The following PARD3 variants were observed in gnomAD, a reference collection of about 807,000 sequenced individuals.
PARD3 encodes the protein partitioning defective 3 homolog.
PARD3 carries 75 observed loss-of-function variants against 155.4 expected under a neutral mutation model. That is an observed-to-expected ratio of 0.48 (90% CI 0.40 to 0.58). PARD3 has a LOEUF of 0.58. PARD3 is among the 20% of genes least tolerant of loss of function. PARD3 has a pLI of 0.00. For missense variants in PARD3, 1,642 were observed against 1,721.7 expected (o/e 0.95, Z 0.82); for synonymous variants, 576 against 610.5 (o/e 0.94, Z 0.83).
chr10:34,288,069 G>A (rs930896838), intron 20 of PARD3, among the ~76,000 whole-genome samples: 1 of 151,928 alleles, frequency 6.6e-6, no homozygotes, highest in Admixed American at 6.6e-5. Flanking sequence ...AAATTAGCTG[G>A]GTGTGGTGGT....
chr10:34,520,190 T>C (rs926426962), intron 2 of PARD3, among the ~76,000 whole-genome samples: 1 of 152,196 alleles, frequency 6.6e-6, no homozygotes, highest in East Asian at 1.9e-4. Flanking sequence ...AACATTTATA[T>C]ATCATCAATC....
intron 2 of PARD3, among the ~76,000 whole-genome samples, chr10:34,659,119 A>G (rs1031369080): frequency 6.6e-6 from 1 of 152,208 alleles, no homozygotes; most frequent in Non-Finnish European, 1.5e-5. Context: ...CCTGAAAGGC[A>G]CACCCAGCAC....
chr10:34,732,577 A>G (rs2094838256), intron 1 of PARD3, among the ~76,000 whole-genome samples: 1 of 152,140 alleles, frequency 6.6e-6, no homozygotes, highest in Non-Finnish European at 1.5e-5. Context: ...ATGTGCCTGT[A>G]GTTCCAGCTG....
At chr10:34,773,446 T>C (rs1370904375) in intron 1 of PARD3, among the ~76,000 whole-genome samples, 2 of 152,220 alleles carry the variant, frequency 1.3e-5, no homozygotes, top group African/African-American at 4.8e-5. Context: ...TGAATATCCT[T>C]ACCCATAATT....
chr10:34,161,133 T>C (rs1016689943), intron 22 of PARD3, among the ~76,000 whole-genome samples: 1 of 151,394 alleles, frequency 6.6e-6, no homozygotes, highest in Non-Finnish European at 1.5e-5. Context: ...TAGTTCCAGC[T>C]ACTTGGGAGG....
At chr10:34,600,118 T>G (rs1013402226) in intron 2 of PARD3, among the ~76,000 whole-genome samples, 1 of 150,862 alleles carries the variant, frequency 6.6e-6, no homozygotes, top group Non-Finnish European at 1.5e-5. Context: ...GTGGATGGCT[T>G]GAGCTCAGGA....
chr10:34,275,766 AG>A (rs758226726), intron 21 of PARD3, among the ~76,000 whole-genome samples: 13 of 152,162 alleles, frequency 8.5e-5, no homozygotes, highest in Non-Finnish European at 1.8e-4. Context: ...AAAGATGGTG[AG>A]TATCTTGCAG....
intron 2 of PARD3, among the ~76,000 whole-genome samples, chr10:34,670,254 C>A (rs1049029908): frequency 6.6e-6 from 1 of 152,258 alleles, no homozygotes; most frequent in Non-Finnish European, 1.5e-5. Context: ...AGCCTCAAAA[C>A]ACAAGGGACG....
chr10:34,469,165 C>T (rs1416104387), intron 4 of PARD3, among the ~76,000 whole-genome samples: 1 of 152,210 alleles, frequency 6.6e-6, no homozygotes, highest in East Asian at 1.9e-4. Flanking sequence ...GGCTAGAGTG[C>T]AGCGGCGTGA....
chr10:34,676,610 A>G (rs761247855), intron 2 of PARD3, among the ~76,000 whole-genome samples: 4 of 152,224 alleles, frequency 2.6e-5, no homozygotes, highest in Non-Finnish European at 5.9e-5. Flanking sequence ...CACTGGAACG[A>G]CACGCAATTA....
chr10:34,570,776 T>C (rs562912941), intron 2 of PARD3, among the ~76,000 whole-genome samples: 20 of 152,284 alleles, frequency 1.3e-4, no homozygotes, highest in African/African-American at 4.6e-4. Context: ...ATGAAGCAGC[T>C]ACAAGGAAAA....
intron 15 of PARD3, among the ~76,000 whole-genome samples, 197 bp from the exon 16 acceptor site, chr10:34,342,013 T>C (rs1407705191): frequency 6.6e-6 from 1 of 152,222 alleles, no homozygotes; most frequent in Non-Finnish European, 1.5e-5. Flanking sequence ...TATTACTACC[T>C]CTGACGCTAC....
intron 2 of PARD3, among the ~76,000 whole-genome samples, chr10:34,635,195 C>T (rs183866752): frequency 6.6e-6 from 1 of 152,358 alleles, no homozygotes; most frequent in East Asian, 1.9e-4. Context: ...GAATTCAAGG[C>T]TTCTCCCCAT....
At chr10:34,331,016 T>C in intron 19 of PARD3, 101 bp downstream of exon 19, 4 of 779,462 alleles carry the variant, frequency 5.1e-6, no homozygotes, top group Non-Finnish European at 8.4e-6. Context: ...ATCTCAGAGA[T>C]TACCCTGAAG....
chr10:34,508,013 T>C (rs1236868940), intron 3 of PARD3, among the ~76,000 whole-genome samples: 2 of 152,172 alleles, frequency 1.3e-5, no homozygotes, highest in Admixed American at 6.5e-5. Flanking sequence ...CAGATCTCTA[T>C]ACCAAAGGTG....
At chr10:34,614,034 T>C (rs1318414524) in intron 2 of PARD3, among the ~76,000 whole-genome samples, 1 of 152,200 alleles carries the variant, frequency 6.6e-6, no homozygotes, top group African/African-American at 2.4e-5. Flanking sequence ...AGAACATGTA[T>C]ACTCATACAT....
rs1952413633 is a variant in PARD3, at chr10:34,223,328, GAA to G, written c.3419+46327_3419+46328del. On this transcript the variant is annotated intron_variant, in intron 22 of 24. Coordinates refer to ENST00000374788, the MANE Select transcript of PARD3 (RefSeq NM_001184785.2). The stretch of plus-strand genomic sequence containing the variant: ...TGAACGTTCCAGGTGAGAAGAAACT[GAA>G]AAAGACATGATGGCCAAAAGCAATG... 3.9e-5 allele frequency among the ~76,000 whole-genome samples: 6 copies of G among 152,276 alleles called. No individual in the cohort carries two copies. The South Asian group carries it at 1.2e-3, about 32-fold the overall frequency.
At chr10:34,296,340 G>A (rs1344438820) in intron 20 of PARD3, among the ~76,000 whole-genome samples, 1 of 151,814 alleles carries the variant, frequency 6.6e-6, no homozygotes, top group Middle Eastern at 3.2e-3. Flanking sequence ...CAAGAATTCT[G>A]CCGCCTCAGC....
intron 2 of PARD3, among the ~76,000 whole-genome samples, chr10:34,602,497 G>GA (rs1035662177): frequency 6.6e-6 from 1 of 152,122 alleles, no homozygotes; most frequent in Non-Finnish European, 1.5e-5. Flanking sequence ...CCACTGATAA[G>GA]AAACAGCCCC....
Sources: gnomAD v4.1 joint callset for allele counts (sites outside exome capture counted in the v4.1 genomes callset) on GRCh38, gnomAD v4.1.1 for gene constraint, MANE v1.5 for transcripts, NCBI Gene and HGNC (gene_info 2026-07-23, HGNC 2026-07-21) for gene names.